Variants in PDZD9 observed in about 807,000 individuals in gnomAD.
PDZD9 encodes the protein PDZ domain containing 9, also known as PDZ domain-containing protein 9.
In PDZD9, 13 loss-of-function variants were observed where a neutral mutation model predicts 16.3. The observed-to-expected ratio is 0.80, with a 90% CI of 0.52 to 1.27. PDZD9 has a LOEUF of 1.27. Ranked by LOEUF, PDZD9 falls within the 50% of genes most tolerant of loss-of-function variation. PDZD9 has a pLI of 0.00. For synonymous variants in PDZD9, 120 were observed against 111.0 expected (o/e 1.08, Z -0.51); for missense variants, 288 against 310.9 (o/e 0.93, Z 0.55).
In PDZD9 at chr16:21,988,708, T is replaced by A. The variant is rs761506445; in HGVS notation, c.295A>T (p.Ile99Phe). The change falls in exon 3 of 4, where the codon ATT (isoleucine) becomes TTT (phenylalanine). Residue 99 changes from isoleucine (I) to phenylalanine (F), a missense_variant. Ile to Phe is a conservative substitution (Grantham distance 21). Coordinates refer to ENST00000424898, the MANE Select transcript of PDZD9 (RefSeq NM_001363519.1). ...EFLQLLQHIT[I>F]GTVLQIKVYR... Reference sequence around the variant, plus strand: ...ACCTTGATTTGTAGCACTGTTCCAATAGTGATATGTTGCAAAAGCTGTAAA... The same window carrying A: ...ACCTTGATTTGTAGCACTGTTCCAAAAGTGATATGTTGCAAAAGCTGTAAA... 8 of 1,612,668 alleles carry A rather than the reference T, an allele frequency of 5.0e-6. No individual in the cohort carries two copies. The highest frequency in any genetic ancestry group is 6.8e-6 in the Non-Finnish European group (8 of 1,178,932).
Position 21,984,567 on chromosome 16 carries a change from A to G in PDZD9, c.495T>C (p.Tyr165=), listed in dbSNP as rs146796591. ...GATGCACAGTTGACCACGGATATCT[A>G]TAATATTGAAGTCTTTTATCTAAAT... ...NVDLDKRLQY[Y]RYPWSTVHHP... The change falls in exon 4 of 4, where the codon TAT becomes TAC. Residue 165 remains tyrosine, a synonymous_variant. Transcript: ENST00000424898. 44 of 1,580,794 alleles carry G rather than the reference A, an allele frequency of 2.8e-5. No homozygotes were observed. The African/African-American group carries it at 5.5e-4, about 20-fold the overall frequency.
At chr16:21,972,024 C>A in the PDZD9 span, 5 of 1,614,200 alleles carry the variant, frequency 3.1e-6, no homozygotes, top group Non-Finnish European at 4.2e-6. Flanking sequence ...TAGTGTTCTT[C>A]AGCATGTCCT....
downstream of PDZD9, among the ~76,000 whole-genome samples, chr16:21,981,550 TCAATACCAGACTGGGCAATGTAGCAAAAC>T (rs1157913870): frequency 2.0e-5 from 3 of 151,800 alleles, no homozygotes; most frequent in African/African-American, 7.3e-5. Context: ...GCCCAGGAGT[TCAATACCAGACTGGGCAATGTAGCAAAAC>T]CCCATCTCTA....
the PDZD9 span, chr16:21,959,364 C>T: frequency 3.6e-6 from 1 of 276,194 alleles, no homozygotes; most frequent in Non-Finnish European, 7.4e-6. Flanking sequence ...CAACCAGGAG[C>T]AGATTCTATC....
At chr16:21,958,429 A>C in the PDZD9 span, 1 of 960,950 alleles carries the variant, frequency 1.0e-6, no homozygotes, top group South Asian at 1.5e-5. Flanking sequence ...GCAGGAATTT[A>C]GTAAAATTCT....
At position 21,996,305 on chromosome 16, in the gene PDZD9, G is replaced by C. The variant is rs1899146853; in HGVS notation, c.211+17C>G. 2.0e-6 allele frequency: 3 copies of C among 1,531,462 alleles called. No individual in the cohort carries two copies. The East Asian group carries it at 7.3e-5, about 37-fold the overall frequency. The allele number at this position is 1,531,462 out of a possible 1,614,324, so 94.9% of individuals were successfully genotyped here. Reference sequence around the variant, plus strand: ...GGCAGGATGGGTGGTTGGGAAGCATGGCGAAAGGGCAATCACCTGGCTGGA... The same window carrying C: ...GGCAGGATGGGTGGTTGGGAAGCATCGCGAAAGGGCAATCACCTGGCTGGA... On this transcript the variant is annotated intron_variant, in intron 2 of 3. Transcript: ENST00000424898.
At chr16:21,981,369 T>G (rs1898722619), downstream of PDZD9, among the ~76,000 whole-genome samples, 1 of 152,198 alleles carries the variant, frequency 6.6e-6, no homozygotes, top group Non-Finnish European at 1.5e-5. Flanking sequence ...TTTTCTACAT[T>G]AAACTTGCCA....
the PDZD9 span, chr16:21,958,630 A>G: frequency 1.3e-6 from 2 of 1,571,376 alleles, no homozygotes; most frequent in Non-Finnish European, 1.7e-6. Context: ...AAAATAGTGA[A>G]AATGCCAGAA....
the PDZD9 span, chr16:21,971,420 A>T: frequency 1.1e-6 from 1 of 877,894 alleles, no homozygotes; most frequent in Non-Finnish European, 1.7e-6. Flanking sequence ...TTTATTTTGT[A>T]GTGTTAGGAT....
At chr16:21,987,223 C>T (rs963966125) in intron 3 of PDZD9, among the ~76,000 whole-genome samples, 2 of 152,138 alleles carry the variant, frequency 1.3e-5, no homozygotes, top group Admixed American at 6.5e-5. Flanking sequence ...AGTTCGAAAC[C>T]AGCCTGGCCA....
the PDZD9 span, among the ~76,000 whole-genome samples, chr16:21,966,295 C>T: frequency 1.3e-5 from 2 of 152,146 alleles, no homozygotes; most frequent in East Asian, 1.9e-4. Flanking sequence ...CACTCATTCA[C>T]GTTCTTCAGC....
the PDZD9 span, among the ~76,000 whole-genome samples, chr16:21,966,174 G>A: frequency 6.6e-6 from 1 of 151,918 alleles, no homozygotes; most frequent in African/African-American, 2.4e-5. Context: ...ATATATATGT[G>A]TGTGTGTATA....
chr16:21,981,404 C>T (rs1016175643), downstream of PDZD9, among the ~76,000 whole-genome samples: 8 of 152,058 alleles, frequency 5.3e-5, no homozygotes, highest in Non-Finnish European at 8.8e-5. Flanking sequence ...GTAGATGTCT[C>T]GGCCATCTTC....
chr16:21,957,649 T>C, the PDZD9 span: 4 of 1,533,914 alleles, frequency 2.6e-6, no homozygotes, highest in Non-Finnish European at 3.5e-6. Flanking sequence ...ATCAATGTCT[T>C]TATATTTTGA....
At chr16:21,997,932 G>C (rs1052801478) in intron 1 of PDZD9, among the ~76,000 whole-genome samples, 6 of 152,130 alleles carry the variant, frequency 3.9e-5, no homozygotes, top group Non-Finnish European at 8.8e-5. Flanking sequence ...GGCTCCCCCA[G>C]CTCCCTACCT....
chr16:21,961,626 T>TTATA, the PDZD9 span, among the ~76,000 whole-genome samples: 2,715 of 63,716 alleles, frequency 0.043, 130 homozygotes, highest in Non-Finnish European at 0.057. Context: ...AACATAAAAT[T>TTATA]TATATATATA....
the PDZD9 span, chr16:21,958,428 T>C: frequency 7.3e-6 from 7 of 960,038 alleles, no homozygotes; most frequent in African/African-American, 1.7e-5. Context: ...TGCAGGAATT[T>C]AGTAAAATTC....
the PDZD9 span, chr16:21,962,488 TA>T: frequency 6.2e-7 from 1 of 1,614,186 alleles, no homozygotes; most frequent in African/African-American, 1.3e-5. Flanking sequence ...AAACATGGCT[TA>T]TACTGTGGAA....
chr16:21,989,121 TG>T (rs1043466123), intron 2 of PDZD9, among the ~76,000 whole-genome samples: 1 of 151,072 alleles, frequency 6.6e-6, no homozygotes, highest in Non-Finnish European at 1.5e-5. Flanking sequence ...TTAGTAGAGA[TG>T]GGGTTTCACC....
Sources: gnomAD v4.1 joint callset for allele counts (sites outside exome capture counted in the v4.1 genomes callset) on GRCh38, gnomAD v4.1.1 for gene constraint, MANE v1.5 for transcripts, NCBI Gene and HGNC (gene_info 2026-07-23, HGNC 2026-07-21) for gene names.